Variants in GALNT17 observed in about 807,000 individuals in gnomAD.
The protein encoded by GALNT17 is UDP-GalNAc:polypeptide N-acetylgalactosaminyltransferase-like 3.
GALNT17 carries 29 observed loss-of-function variants against 63.7 expected under a neutral mutation model. The observed-to-expected ratio is 0.46, with a 90% CI of 0.34 to 0.62. The LOEUF (loss-of-function observed/expected upper bound fraction) is 0.62. Ranked by LOEUF, GALNT17 falls within the 20% of genes least tolerant of loss-of-function variation. The pLI is 0.01. For missense variants in GALNT17, 603 were observed against 799.6 expected (o/e 0.75, Z 2.97); for synonymous variants, 305 against 318.3 (o/e 0.96, Z 0.45).
chr7:71,298,711 G>GGGGT (rs912627816), intron 1 of GALNT17, among the ~76,000 whole-genome samples: 13 of 141,490 alleles, frequency 9.2e-5, no homozygotes, highest in African/African-American at 3.1e-4. Flanking sequence ...ATTCCAGTGG[G>GGGGT]GTGTGTGTGT....
At chr7:71,389,770 TA>T (rs987676301) in intron 3 of GALNT17, among the ~76,000 whole-genome samples, 36 of 152,204 alleles carry the variant, frequency 2.4e-4, no homozygotes, top group African/African-American at 8.2e-4. Flanking sequence ...ACTGTTTATC[TA>T]CATTGGAATT....
At chr7:71,432,711 T>C (rs1387304016) in intron 5 of GALNT17, among the ~76,000 whole-genome samples, 3 of 152,230 alleles carry the variant, frequency 2.0e-5, no homozygotes, top group African/African-American at 4.8e-5. Context: ...CTCTGGTCTG[T>C]AATCTTAGCA....
intron 3 of GALNT17, among the ~76,000 whole-genome samples, chr7:71,390,031 A>C (rs73702892): frequency 0.094 from 14,322 of 152,150 alleles, 1,375 homozygotes; most frequent in African/African-American, 0.25. Context: ...AACCTGCAAA[A>C]TTCAGTGTGC....
Position 71,712,154 on chromosome 7 carries a change from G to A in GALNT17, c.*8G>A, listed in dbSNP as rs200299995. 2 of 1,609,978 alleles carry A rather than the reference G, an allele frequency of 1.2e-6. No homozygotes were observed. The highest frequency in any genetic ancestry group is 1.7e-6 in the Non-Finnish European group (2 of 1,177,684). ...AAGAACTCCATCAAGTAGAGGGAGG[G>A]AGCTGGGGCACTGGAGCCTGGCCCC... On this transcript the variant is annotated 3_prime_UTR_variant, in exon 11 of 11. Transcript: ENST00000333538.
At chr7:71,603,891 C>G (rs1168759944) in intron 6 of GALNT17, among the ~76,000 whole-genome samples, 1 of 123,022 alleles carries the variant, frequency 8.1e-6, no homozygotes, top group East Asian at 2.0e-4. Flanking sequence ...AGGTACTGTG[C>G]TAAGTGCATA....
At chr7:71,375,411 G>C (rs1404563892) in intron 2 of GALNT17, among the ~76,000 whole-genome samples, 2 of 151,962 alleles carry the variant, frequency 1.3e-5, no homozygotes. Context: ...CATTGAGTGA[G>C]AGCAAAGGGT....
intron 6 of GALNT17, among the ~76,000 whole-genome samples, chr7:71,639,545 C>T (rs930479316): frequency 1.5e-4 from 23 of 152,106 alleles, no homozygotes; most frequent in Admixed American, 6.5e-5. Flanking sequence ...GGGGAGGGCT[C>T]GCCTCCAGGG....
chr7:71,584,911 C>G (rs138690569), intron 6 of GALNT17, among the ~76,000 whole-genome samples: 1 of 152,128 alleles, frequency 6.6e-6, no homozygotes, highest in African/African-American at 2.4e-5. Flanking sequence ...TCCGCCACCA[C>G]GCCAAGCTAA....
intron 1 of GALNT17, among the ~76,000 whole-genome samples, chr7:71,223,826 T>C (rs1252572558): frequency 6.6e-6 from 1 of 152,182 alleles, no homozygotes; most frequent in African/African-American, 2.4e-5. Context: ...TGGATTTCTC[T>C]TCCTGCATTA....
At chr7:71,301,385 A>ATATATAATAAAATATATATTTAAATATG (rs1358450155) in intron 1 of GALNT17, among the ~76,000 whole-genome samples, 1 of 147,462 alleles carries the variant, frequency 6.8e-6, no homozygotes, top group Non-Finnish European at 1.5e-5. Flanking sequence ...ATATATAATA[A>ATATATAATAAAATATATATTTAAATATG]TATATAATAA....
chr7:71,255,067 C>G (rs1290005476), intron 1 of GALNT17, among the ~76,000 whole-genome samples: 2 of 152,166 alleles, frequency 1.3e-5, no homozygotes, highest in Non-Finnish European at 2.9e-5. Flanking sequence ...AGAACATTTC[C>G]CCAGTGGATT....
rs757628991 is a variant in GALNT17, at chr7:71,183,805, G to A, written c.238+50765G>A. Among the ~76,000 whole-genome samples the A allele has an allele frequency of 2.6e-5, 4 of 151,934 alleles. No individual in the cohort carries two copies. In the South Asian group the frequency reaches 6.2e-4, roughly 24 times the overall value. ...CCCAGCTACTTGAGGCAGGAGAATC[G>A]CGTGAACCCGGTAGGCAGAGGTTGG... On this transcript the variant is annotated intron_variant, in intron 1 of 10. Transcript: ENST00000333538.
chr7:71,459,271 A>G (rs566305668), intron 5 of GALNT17, among the ~76,000 whole-genome samples: 2 of 152,320 alleles, frequency 1.3e-5, no homozygotes, highest in South Asian at 2.1e-4. Context: ...AATACAGAAA[A>G]AAAAAGTGAC....
chr7:71,497,460 T>C (rs1788114771), intron 5 of GALNT17, among the ~76,000 whole-genome samples: 4 of 152,266 alleles, frequency 2.6e-5, no homozygotes, highest in South Asian at 4.1e-4. Context: ...TGTGTCTCTG[T>C]CCATTTCCTC....
chr7:71,223,691 C>T (rs979314258), intron 1 of GALNT17, among the ~76,000 whole-genome samples: 2 of 152,140 alleles, frequency 1.3e-5, no homozygotes, highest in Non-Finnish European at 2.9e-5. Context: ...ACCTTGTCTG[C>T]TCCTCTCCTT....
chr7:71,144,496 A>C (rs911372401), intron 1 of GALNT17, among the ~76,000 whole-genome samples: 2 of 152,168 alleles, frequency 1.3e-5, no homozygotes, highest in Non-Finnish European at 2.9e-5. Context: ...AAGAGGTCAC[A>C]CCTATCTAGA....
chr7:71,207,007 G>T (rs1585881496), intron 1 of GALNT17, among the ~76,000 whole-genome samples: 5 of 152,120 alleles, frequency 3.3e-5, no homozygotes, highest in Admixed American at 3.3e-4. Context: ...TTGACAGGCT[G>T]AGGCAGGAGA....
At chr7:71,557,071 T>TC (rs1491535339) in intron 5 of GALNT17, among the ~76,000 whole-genome samples, 3 of 131,370 alleles carry the variant, frequency 2.3e-5, no homozygotes, top group Non-Finnish European at 5.0e-5. Flanking sequence ...TTTTTTTTTT[T>TC]GGGGAGAGAT....
chr7:71,292,612 A>C (rs1270990738), intron 1 of GALNT17, among the ~76,000 whole-genome samples: 1 of 151,692 alleles, frequency 6.6e-6, no homozygotes, highest in African/African-American at 2.4e-5. Flanking sequence ...CATTATCTCC[A>C]CATAGGTACC....
Sources: gnomAD v4.1 joint callset for allele counts (sites outside exome capture counted in the v4.1 genomes callset) on GRCh38, gnomAD v4.1.1 for gene constraint, MANE v1.5 for transcripts, NCBI Gene and HGNC (gene_info 2026-07-23, HGNC 2026-07-21) for gene names.